SPRY3: variants seen among roughly 807,000 people sequenced by gnomAD.
SPRY3 encodes protein sprouty homolog 3.
Under a neutral mutation model 20.2 loss-of-function variants are expected in SPRY3, and 15 were observed. That is an observed-to-expected ratio of 0.74 (90% CI 0.50 to 1.14). The LOEUF is 1.14. SPRY3 is among the 50% of genes most tolerant of loss of function. The probability of loss-of-function intolerance (pLI) is 0.00; values close to 1 mark genes in which losing one functional copy is unlikely to be tolerated. For missense variants in SPRY3, 364 were observed against 363.9 expected, an observed-to-expected ratio of 1.00 and a Z score of 0.00; for synonymous variants, 143 against 136.5, an observed-to-expected ratio of 1.05 and a Z score of -0.33.
chrX:155,723,374 G>C (rs1317310974), intron 2 of SPRY3, among the ~76,000 whole-genome samples: 32 of 152,134 alleles, frequency 2.1e-4, no homozygotes, highest in Admixed American at 1.8e-3. Context: ...TTCCACAATG[G>C]TTGAACTAAT....
intron 2 of SPRY3, among the ~76,000 whole-genome samples, chrX:155,677,099 T>C (rs1469641768): frequency 2.7e-5 from 3 of 111,795 alleles, no homozygotes; most frequent in Non-Finnish European, 1.9e-5. Flanking sequence ...CACAGAATGT[T>C]CACAGTGAGA....
intron 2 of SPRY3, among the ~76,000 whole-genome samples, chrX:155,720,285 G>A (rs748658039): frequency 4.6e-5 from 7 of 152,262 alleles, no homozygotes; most frequent in Admixed American, 6.5e-5. Context: ...CAGTACAATA[G>A]AACACCATTA....
chrX:155,759,464 T>A, intron 2 of SPRY3, among the ~76,000 whole-genome samples: 1 of 152,314 alleles, frequency 6.6e-6, no homozygotes, highest in Middle Eastern at 3.4e-3. Flanking sequence ...GCTTTCCTAC[T>A]AAATTATGAG....
At chrX:155,721,806 A>C (rs1403595335) in intron 2 of SPRY3, among the ~76,000 whole-genome samples, 1 of 152,176 alleles carries the variant, frequency 6.6e-6, no homozygotes, top group African/African-American at 2.4e-5. Flanking sequence ...AAGAAATGCT[A>C]AACAGGGTAA....
At chrX:155,710,041 C>G (rs2090975638) in intron 2 of SPRY3, among the ~76,000 whole-genome samples, 1 of 151,602 alleles carries the variant, frequency 6.6e-6, no homozygotes, top group African/African-American at 2.4e-5. Context: ...TATGCGAGTA[C>G]CATGCTGTTT....
chrX:155,638,527 A>G, intron 1 of SPRY3, among the ~76,000 whole-genome samples: 1 of 106,190 alleles, frequency 9.4e-6, no homozygotes, highest in Non-Finnish European at 1.9e-5. Flanking sequence ...TGCACTATAC[A>G]TCAAGTCCTA....
At chrX:155,766,679 G>A (rs1482038928) in intron 2 of SPRY3, among the ~76,000 whole-genome samples, 5 of 152,160 alleles carry the variant, frequency 3.3e-5, no homozygotes, top group African/African-American at 1.2e-4. Flanking sequence ...ATTAAATAGT[G>A]GACTGAGGGT....
At chrX:155,772,751 A>G (rs753992106) in intron 3 of SPRY3, among the ~76,000 whole-genome samples, 10 of 152,252 alleles carry the variant, frequency 6.6e-5, no homozygotes, top group Non-Finnish European at 1.5e-4. Flanking sequence ...TACAATGGAA[A>G]TGCAAGCATA....
chrX:155,723,447 G>C (rs1370332514), intron 2 of SPRY3, among the ~76,000 whole-genome samples: 1 of 152,070 alleles, frequency 6.6e-6, no homozygotes, highest in African/African-American at 2.4e-5. Flanking sequence ...AGCATCTTTT[G>C]TTTCCTGATT....
At chrX:155,681,657 G>C (rs1056470779) in intron 2 of SPRY3, among the ~76,000 whole-genome samples, 2 of 112,374 alleles carry the variant, frequency 1.8e-5, no homozygotes, top group African/African-American at 3.2e-5. Flanking sequence ...ATACATGAAT[G>C]ATTAGAAAGT....
chrX:155,628,543 T>A (rs782341202), intron 1 of SPRY3, among the ~76,000 whole-genome samples: 15 of 112,102 alleles, frequency 1.3e-4, no homozygotes, highest in African/African-American at 4.5e-4. Flanking sequence ...AAAGGAGATA[T>A]TTACGTGGCC....
intron 1 of SPRY3, among the ~76,000 whole-genome samples, chrX:155,636,505 A>C (rs2067923720): frequency 9.0e-6 from 1 of 111,614 alleles, no homozygotes; most frequent in Admixed American, 9.5e-5. Context: ...ACTACAACCC[A>C]AAACCATATG....
At chrX:155,659,155 C>CTTTCTTTCTTTCTTT (rs1557353362) in intron 2 of SPRY3, among the ~76,000 whole-genome samples, 1 of 88,271 alleles carries the variant, frequency 1.1e-5, no homozygotes, top group African/African-American at 4.4e-5. Context: ...TTCTTTCTTT[C>CTTTCTTTCTTTCTTT]TTTTTTTGAG....
At chrX:155,664,615 T>C (rs111288228) in intron 2 of SPRY3, among the ~76,000 whole-genome samples, 1,853 of 110,799 alleles carry the variant, frequency 0.017, 49 homozygotes, top group African/African-American at 0.058. Context: ...TATGAAATGA[T>C]GGACTTTCCA....
intron 2 of SPRY3, among the ~76,000 whole-genome samples, chrX:155,703,960 C>G (rs1349604463): frequency 6.6e-6 from 1 of 151,806 alleles, no homozygotes; most frequent in Non-Finnish European, 1.5e-5. Flanking sequence ...AGCAATATAT[C>G]TCAAATTGAG....
chrX:155,623,560 A>T (rs1359898857), intron 1 of SPRY3, among the ~76,000 whole-genome samples: 5 of 111,972 alleles, frequency 4.5e-5, no homozygotes, highest in African/African-American at 1.6e-4. Context: ...CCAAAATATT[A>T]TGAACAATTT....
intron 2 of SPRY3, among the ~76,000 whole-genome samples, chrX:155,674,994 T>G (rs2068054981): frequency 8.9e-6 from 1 of 112,040 alleles, no homozygotes; most frequent in African/African-American, 3.2e-5. Flanking sequence ...ATTAATCCAG[T>G]AAGCAGAAAT....
chrX:155,775,981 C>T (rs1269926992), exon 4 of SPRY3: 1 of 167,114 alleles, frequency 6.0e-6, no homozygotes, highest in Non-Finnish European at 1.5e-5. Flanking sequence ...GACTTGCCCC[C>T]AAGGCCGCAC....
At chrX:155,675,448 G>A (rs1350299690) in intron 2 of SPRY3, among the ~76,000 whole-genome samples, 1 of 111,181 alleles carries the variant, frequency 9.0e-6, no homozygotes, top group African/African-American at 3.3e-5. Flanking sequence ...CCAGCACATA[G>A]CTTAAAGGCA....
Sources: allele counts gnomAD v4.1 joint callset (sites outside exome capture counted in the v4.1 genomes callset), GRCh38; gene constraint gnomAD v4.1.1; transcripts MANE v1.5; gene names NCBI Gene and HGNC (gene_info 2026-07-23, HGNC 2026-07-21).